The following TMCO5A variants were observed in gnomAD, a reference collection of about 807,000 sequenced individuals.
TMCO5A encodes transmembrane and coiled-coil domain-containing protein 5A.
A neutral mutation model predicts 42.3 loss-of-function variants in TMCO5A; 34 were observed. That is an observed-to-expected ratio of 0.80 (90% CI 0.61 to 1.07). The LOEUF (loss-of-function observed/expected upper bound fraction) is 1.07, where lower values mean the gene tolerates loss of function less well. TMCO5A is among the 50% of genes least tolerant of loss of function. TMCO5A has a pLI of 0.00. For missense variants in TMCO5A, 357 were observed against 327.9 expected (o/e 1.09, Z -0.69); for synonymous variants, 131 against 115.6 (o/e 1.13, Z -0.86).
the TMCO5A span, among the ~76,000 whole-genome samples, chr15:37,992,305 T>C: frequency 6.6e-6 from 1 of 152,104 alleles, no homozygotes; most frequent in Non-Finnish European, 1.5e-5. Flanking sequence ...TAAGGTACCA[T>C]CTCACACCAG....
At chr15:37,934,717 A>G (rs1254651588) in intron 1 of TMCO5A, 23 bp downstream of exon 1, 1 of 152,182 alleles carries the variant, frequency 6.6e-6, no homozygotes, top group Non-Finnish European at 1.5e-5. Flanking sequence ...GAAGAAATAA[A>G]GGGGAAAAAA....
the TMCO5A span, among the ~76,000 whole-genome samples, chr15:37,982,341 C>T: frequency 6.6e-6 from 1 of 151,656 alleles, no homozygotes; most frequent in Non-Finnish European, 1.5e-5. Context: ...CACACTTTGA[C>T]AAGTGCCAGA....
exon 12 of TMCO5A, chr15:37,966,939 A>C: frequency 2.3e-6 from 1 of 426,000 alleles, no homozygotes. Flanking sequence ...CTCCCACTAA[A>C]AGGGGCTCAG....
chr15:37,934,881 T>C lies in TMCO5A; in HGVS notation c.-103+187T>C, dbSNP rs1043118405. On this transcript the variant is annotated intron_variant, in intron 1 of 11. Coordinates refer to ENST00000319669, the MANE Select transcript of TMCO5A (RefSeq NM_152453.4). ...CAGGGATATTGTAAACCTACATCCATGCCCATGGGGCTTTATGGAAAGCAA... is the reference window on the plus strand; with the variant it reads ...CAGGGATATTGTAAACCTACATCCACGCCCATGGGGCTTTATGGAAAGCAA... 4.6e-5 allele frequency among the ~76,000 whole-genome samples: 7 copies of C among 152,170 alleles called. No homozygotes were observed. The South Asian group carries it at 1.2e-3, about 27-fold the overall frequency.
intron 11 of TMCO5A, among the ~76,000 whole-genome samples, chr15:37,964,500 C>T (rs1890510446): frequency 6.6e-6 from 1 of 151,876 alleles, no homozygotes; most frequent in Admixed American, 6.6e-5. Flanking sequence ...AGCTAAAATT[C>T]ACAATGCGAG....
intron 6 of TMCO5A, 122 bp from the exon 7 acceptor site, chr15:37,941,027 G>A (rs2202158): frequency 5.0e-6 from 4 of 799,994 alleles, no homozygotes; most frequent in Non-Finnish European, 8.4e-6. Context: ...TCCTCTATCA[G>A]GAGACGTGTG....
intron 10 of TMCO5A, among the ~76,000 whole-genome samples, chr15:37,944,863 T>G (rs192021889): frequency 6.6e-6 from 1 of 152,062 alleles, no homozygotes; most frequent in African/African-American, 2.4e-5. Flanking sequence ...ATCTTTAGAT[T>G]TTTTTTTCTT....
the TMCO5A span, among the ~76,000 whole-genome samples, chr15:38,016,088 G>A: frequency 2.6e-5 from 4 of 152,276 alleles, no homozygotes; most frequent in South Asian, 8.3e-4. Context: ...GTCAATGTAG[G>A]TTCATCAGTT....
intron 1 of TMCO5A, 35 bp downstream of exon 1, chr15:37,934,729 G>T (rs1323859662): frequency 2.0e-5 from 3 of 152,108 alleles, no homozygotes; most frequent in Non-Finnish European, 1.5e-5. Flanking sequence ...GGGAAAAAAA[G>T]AAACTAAGGG....
intron 6 of TMCO5A, among the ~76,000 whole-genome samples, chr15:37,938,794 A>C (rs1889624506): frequency 6.6e-6 from 1 of 152,174 alleles, no homozygotes; most frequent in East Asian, 1.9e-4. Context: ...TCAAGTATTT[A>C]GTATGACCAC....
the TMCO5A span, among the ~76,000 whole-genome samples, chr15:37,990,834 C>T: frequency 8.6e-5 from 13 of 151,822 alleles, no homozygotes; most frequent in Admixed American, 8.5e-4. Context: ...ATTTAACATC[C>T]TCAAGTTATA....
At chr15:37,937,720 A>G (rs1005348513) in intron 5 of TMCO5A, among the ~76,000 whole-genome samples, 6 of 152,112 alleles carry the variant, frequency 3.9e-5, no homozygotes, top group African/African-American at 1.4e-4. Context: ...GGTTAATTTT[A>G]CTTTCAACAG....
chr15:37,963,786 C>G (rs1012589106), intron 11 of TMCO5A, among the ~76,000 whole-genome samples: 1 of 152,110 alleles, frequency 6.6e-6, no homozygotes, highest in Non-Finnish European at 1.5e-5. Context: ...TTGGACAAGG[C>G]CTTTCGCCAT....
At chr15:37,951,658 C>T (rs79404988), downstream of TMCO5A, 2,495 of 153,484 alleles carry the variant, frequency 0.016, 78 homozygotes, top group African/African-American at 0.057. Flanking sequence ...AGTATTTATA[C>T]TTACATATTT....
the TMCO5A span, among the ~76,000 whole-genome samples, chr15:37,987,485 T>A: frequency 6.6e-6 from 1 of 152,038 alleles, no homozygotes. Flanking sequence ...AAAGACTTTG[T>A]CCTGTGTCAT....
chr15:37,990,305 T>C, the TMCO5A span, among the ~76,000 whole-genome samples: 1 of 152,116 alleles, frequency 6.6e-6, no homozygotes, highest in African/African-American at 2.4e-5. Flanking sequence ...GGTCTGTTAG[T>C]AGGTGTAAAA....
At chr15:37,958,859 G>A (rs1245132338) in intron 11 of TMCO5A, among the ~76,000 whole-genome samples, 1 of 152,060 alleles carries the variant, frequency 6.6e-6, no homozygotes, top group Admixed American at 6.6e-5. Flanking sequence ...GCAAAGACTT[G>A]GAACCAACCC....
intron 6 of TMCO5A, among the ~76,000 whole-genome samples, chr15:37,940,770 G>C (rs1267671746): frequency 6.6e-6 from 1 of 152,198 alleles, no homozygotes; most frequent in East Asian, 1.9e-4. Context: ...AAAAGGGTGA[G>C]CAAGGCATAC....
At chr15:37,989,702 G>A in the TMCO5A span, among the ~76,000 whole-genome samples, 2 of 152,016 alleles carry the variant, frequency 1.3e-5, no homozygotes, top group African/African-American at 4.8e-5. Context: ...CACAGACTGG[G>A]TAATCTACAA....
Sources: gnomAD v4.1 joint callset for allele counts (sites outside exome capture counted in the v4.1 genomes callset) on GRCh38, gnomAD v4.1.1 for gene constraint, MANE v1.5 for transcripts, NCBI Gene and HGNC (gene_info 2026-07-23, HGNC 2026-07-21) for gene names.